The following PM20D1 variants were observed in gnomAD, a reference collection of about 807,000 sequenced individuals.
The protein encoded by PM20D1 is N-fatty-acyl-amino acid synthase/hydrolase PM20D1.
In PM20D1, 53 loss-of-function variants were observed where a neutral mutation model predicts 53.8. The ratio of observed to expected loss-of-function variants is 0.98; its 90% confidence interval spans 0.79 to 1.24. The LOEUF (loss-of-function observed/expected upper bound fraction) is 1.24. Among genes scored for constraint, PM20D1 ranks in the 50% most tolerant of loss-of-function variants. The pLI, the probability that PM20D1 is intolerant of heterozygous loss-of-function variation, is 0.00. For missense variants in PM20D1, 564 were observed against 616.8 expected (o/e 0.91, Z 0.91); for synonymous variants, 239 against 241.3 (o/e 0.99, Z 0.09).
intron 9 of PM20D1, 113 bp from the exon 10 acceptor site, chr1:205,840,436 A>G: frequency 1.1e-6 from 1 of 881,386 alleles, no homozygotes; most frequent in Non-Finnish European, 1.8e-6. Flanking sequence ...ATTTGACTTA[A>G]GGACCCAAGG....
intron 10 of PM20D1, 51 bp from the exon 11 acceptor site, chr1:205,832,817 G>T: frequency 6.7e-7 from 1 of 1,493,432 alleles, no homozygotes; most frequent in Non-Finnish European, 9.0e-7. Flanking sequence ...TTCTATACAT[G>T]TACAATATGG....
intron 3 of PM20D1, 151 bp downstream of exon 3, chr1:205,845,174 G>T: frequency 2.5e-6 from 2 of 788,938 alleles, no homozygotes; most frequent in Non-Finnish European, 4.1e-6. Flanking sequence ...AAGGCCCAGA[G>T]AAGGGAAGTG....
At position 205,844,899 on chromosome 1, in the gene PM20D1, T is replaced by C. The variant is rs746211634; in HGVS notation, c.490-2A>G. 34 of 1,613,018 alleles carry C rather than the reference T, an allele frequency of 2.1e-5. No homozygotes were observed. The highest frequency in any genetic ancestry group is 2.7e-5 in the Non-Finnish European group (32 of 1,179,634). Reference sequence around the variant, plus strand: ...GAGCTCCAAGGCCTGCAGTAATGCCTGGGGTTCAGAAGCACAATGGAAGAG... The same window carrying C: ...GAGCTCCAAGGCCTGCAGTAATGCCCGGGGTTCAGAAGCACAATGGAAGAG... On this transcript the variant is annotated splice_acceptor_variant, in intron 3 of 12. Transcript: ENST00000367136. LOFTEE classifies it high-confidence loss of function.
intron 10 of PM20D1, among the ~76,000 whole-genome samples, chr1:205,836,997 C>T (rs1656699438): frequency 6.6e-6 from 1 of 152,348 alleles, no homozygotes; most frequent in African/African-American, 2.4e-5. Context: ...GTGACCATCA[C>T]ATTTAAAGGA....
intron 10 of PM20D1, among the ~76,000 whole-genome samples, chr1:205,833,667 C>T (rs768543608): frequency 1.3e-5 from 2 of 152,152 alleles, no homozygotes; most frequent in Admixed American, 6.5e-5. Context: ...AGGATTAGGT[C>T]ACATAGAGCC....
At position 205,828,710 on chromosome 1, in the gene PM20D1, T is replaced by A. The variant is rs1412588061; in HGVS notation, c.1419A>T (p.Gln473His). 1 of 1,614,020 alleles carries A rather than the reference T, an allele frequency of 6.2e-7. No individual in the cohort carries two copies. Among genetic ancestry groups the A allele is most frequent in the Non-Finnish European group, 8.5e-7 (1 of 1,179,996 alleles). Residue 473 changes from glutamine to histidine, a missense_variant, in exon 13 of 13, where the codon CAA becomes CAT. By Grantham distance (24) the Gln-to-His change is conservative. Transcript: ENST00000367136. ...IHGVNEKISV[Q>H]AYETQVKFIF... The stretch of plus-strand genomic sequence containing the variant: ...TGAATTTCACTTGGGTCTCATAGGC[T>A]TGGACTGAGATTTTCTCGTTGACTC...
At position 205,830,275 on chromosome 1, in the gene PM20D1, C is replaced by G. The variant is rs758549277; in HGVS notation, c.1385+5G>C. ...CCACCTGCTGCTCAAACCTGTTCCA[C>G]TCACCGTTTGAAGTCTTCAGGCTGT... is the stretch of plus-strand genomic sequence containing the variant. On this transcript the variant is annotated splice_donor_5th_base_variant and intron_variant, in intron 12 of 12. Coordinates refer to ENST00000367136, the MANE Select transcript of PM20D1 (RefSeq NM_152491.5). 1.3e-6 allele frequency: 2 copies of G among 1,576,976 alleles called. No homozygotes were observed. The highest frequency in any genetic ancestry group is 2.2e-5 in the South Asian group (2 of 90,266).
At position 205,844,853 on chromosome 1, in the gene PM20D1, G is replaced by T. The variant is rs143448477; in HGVS notation, c.534C>A (p.Ile178=). 6.2e-7 allele frequency: 1 copy of T among 1,614,024 alleles called. No homozygotes were observed. ...GAGAAATGAAGAAAGATCTTCGGGG[G>T]ATGTACTTCCTGATCAGCAGGAGCT... ...ALELLLIRKY[I]PRRSFFISLG... Residue 178 remains isoleucine, a synonymous_variant, in exon 4 of 13, where the codon ATC becomes ATA. Transcript: ENST00000367136.
At chr1:205,841,727 G>T in intron 9 of PM20D1, 84 bp downstream of exon 9, 1 of 1,326,562 alleles carries the variant, frequency 7.5e-7, no homozygotes, top group Non-Finnish European at 1.1e-6. Flanking sequence ...ACAGAAGGAA[G>T]GAAGAGCCAG....
intron 1 of PM20D1, among the ~76,000 whole-genome samples, chr1:205,848,388 G>C (rs1410236420): frequency 6.6e-6 from 1 of 152,194 alleles, no homozygotes; most frequent in Admixed American, 6.5e-5. Flanking sequence ...GGCACCCACT[G>C]TCCTGGGTCC....
At chr1:205,839,321 T>C (rs1329103720) in intron 10 of PM20D1, among the ~76,000 whole-genome samples, 1 of 152,224 alleles carries the variant, frequency 6.6e-6, no homozygotes, top group Non-Finnish European at 1.5e-5. Flanking sequence ...AGAAGTAGCA[T>C]GAATTTCTTT....
At chr1:205,833,852 CTT>C (rs151195714) in intron 10 of PM20D1, among the ~76,000 whole-genome samples, 116 of 146,246 alleles carry the variant, frequency 7.9e-4, no homozygotes, top group African/African-American at 2.8e-3. Flanking sequence ...AAGAGTACCT[CTT>C]TTTTTTTTTT....
At chr1:205,843,600 T>A in intron 6 of PM20D1, 67 bp downstream of exon 6, 3 of 1,554,472 alleles carry the variant, frequency 1.9e-6, no homozygotes, top group Non-Finnish European at 2.6e-6. Context: ...TCCTCAAATT[T>A]AAAGTGGGAA....
chr1:205,844,199 G>A lies in PM20D1; in HGVS notation c.595C>T (p.Gln199Ter), dbSNP rs775015635. 10 of 1,612,516 alleles carry A rather than the reference G, an allele frequency of 6.2e-6. No individual in the cohort carries two copies. Among genetic ancestry groups the A allele is most frequent in the Middle Eastern group, 1.6e-4 (1 of 6,074 alleles). The change falls in exon 5 of 13, where the codon CAG becomes TAG. Residue 199 changes from glutamine to a stop codon, truncating the protein, a stop_gained. Transcript: ENST00000367136. LOFTEE classifies it high-confidence loss of function. ...GACTGTAGCAGGGCTGAGATCCTCT[G>A]AGCCCCTGTCCCTGATGACTGCAGA... ...HDEESSGTGA[Q>*]RISALLQSRG...
rs1365986231 is a variant in PM20D1 at position 205,845,542 on chromosome 1, A to G, written c.272T>C (p.Val91Ala). The G allele has an allele frequency of 2.5e-6, 4 of 1,614,148 alleles. No individual in the cohort carries two copies. Among genetic ancestry groups the G allele is most frequent in the Non-Finnish European group, 3.4e-6 (4 of 1,179,972 alleles). The change falls in exon 3 of 13, where the codon GTC (valine) becomes GCC (alanine). Residue 91 changes from valine to alanine, a missense_variant. Val to Ala is a moderately conservative substitution (Grantham distance 64). Coordinates refer to ENST00000367136, the MANE Select transcript of PM20D1 (RefSeq NM_152491.5). The stretch of plus-strand genomic sequence containing the variant: ...TTCATGCTGGATAAAGCTGGTGCTG[A>G]CCACTGTAGGAAAGACTAGAAGCAA... ...KYIHKVFPTVVSTSFIQHEVV... is the reference protein window; with the variant it reads ...KYIHKVFPTVASTSFIQHEVV...
chr1:205,828,457 C>A lies in PM20D1; in HGVS notation c.*163G>T. 9.6e-7 allele frequency: 1 copy of A among 1,043,820 alleles called. No homozygotes were observed. Among genetic ancestry groups the A allele is most frequent in the Non-Finnish European group, 1.3e-6 (1 of 753,064 alleles). The allele number at this position is 1,043,820 out of a possible 1,614,324, so 64.7% of individuals were successfully genotyped here. On this transcript the variant is annotated 3_prime_UTR_variant, in exon 13 of 13. Coordinates refer to ENST00000367136, the MANE Select transcript of PM20D1 (RefSeq NM_152491.5). ...AGAAGCCAGATTTCTGCTGACTTTACCTTACCCCGGCCTTGTTCTTGGGAG... is the reference window on the plus strand; with the variant it reads ...AGAAGCCAGATTTCTGCTGACTTTAACTTACCCCGGCCTTGTTCTTGGGAG...
intron 8 of PM20D1, 32 bp from the exon 9 acceptor site, chr1:205,841,921 A>C: frequency 6.5e-7 from 1 of 1,539,828 alleles, no homozygotes; most frequent in East Asian, 2.4e-5. Context: ...CAGATGTTAG[A>C]AAGAACCAAT....
Position 205,845,466 on chromosome 1 carries a change from G to C in PM20D1, c.348C>G (p.Ser116Arg). Residue 116 changes from serine to arginine, a missense_variant, in exon 3 of 13, where the codon AGC (serine) becomes AGG (arginine). Ser to Arg is a moderately radical substitution (Grantham distance 110, BLOSUM62 -1). Coordinates refer to ENST00000367136, the MANE Select transcript of PM20D1 (RefSeq NM_152491.5). ...HLFTIQGSDP[S>R]LQPYLLMAHF... The stretch of plus-strand genomic sequence containing the variant: ...GAGCCATCAGCAGGTAGGGCTGCAA[G>C]CTGGGGTCCGAGCCTTGGATAGTGA... The C allele has an allele frequency of 6.2e-7, 1 of 1,614,250 alleles. No individual in the cohort carries two copies.
At position 205,844,855 on chromosome 1, in the gene PM20D1, T is replaced by C; in HGVS notation, c.532A>G (p.Ile178Val). ...GAAATGAAGAAAGATCTTCGGGGGA[T>C]GTACTTCCTGATCAGCAGGAGCTCC... Reference protein sequence around the residue: ...ALELLLIRKYIPRRSFFISLG... With the variant: ...ALELLLIRKYVPRRSFFISLG... The change falls in exon 4 of 13, where the codon ATC (isoleucine) becomes GTC (valine). Residue 178 changes from isoleucine to valine, a missense_variant. By Grantham distance (29) the Ile-to-Val change is conservative. Coordinates refer to ENST00000367136, the MANE Select transcript of PM20D1 (RefSeq NM_152491.5). 1 of 1,614,016 alleles carries C rather than the reference T, an allele frequency of 6.2e-7. No individual in the cohort carries two copies. Among genetic ancestry groups the C allele is most frequent in the Non-Finnish European group, 8.5e-7 (1 of 1,180,004 alleles).
Sources: gnomAD v4.1 joint callset for allele counts (sites outside exome capture counted in the v4.1 genomes callset) on GRCh38, gnomAD v4.1.1 for gene constraint, MANE v1.5 for transcripts, NCBI Gene and HGNC (gene_info 2026-07-23, HGNC 2026-07-21) for gene names.